NKAIN3: variants seen among roughly 807,000 people sequenced by gnomAD.
NKAIN3 encodes the protein sodium/potassium transporting ATPase interacting 3, also known as sodium/potassium-transporting ATPase subunit beta-1-interacting protein 3.
Under a neutral mutation model 30.2 loss-of-function variants are expected in NKAIN3, and 25 were observed. The ratio of observed to expected loss-of-function variants is 0.83; its 90% CI spans 0.60 to 1.16. The LOEUF is 1.16. Among genes scored for constraint, NKAIN3 ranks in the 50% most tolerant of loss-of-function variants. The pLI, the probability that NKAIN3 is intolerant of heterozygous loss-of-function variation, is 0.00. For synonymous variants in NKAIN3, 91 were observed against 89.6 expected (o/e 1.02, Z -0.09); for missense variants, 225 against 254.1 (o/e 0.89, Z 0.78).
At chr8:62,567,810 A>C (rs1809805516) in intron 1 of NKAIN3, among the ~76,000 whole-genome samples, 1 of 152,134 alleles carries the variant, frequency 6.6e-6, no homozygotes, top group African/African-American at 2.4e-5. Flanking sequence ...CTGGACTACA[A>C]AAGATAATAA....
chr8:62,688,918 T>C (rs1331082341), intron 3 of NKAIN3, among the ~76,000 whole-genome samples: 6 of 152,212 alleles, frequency 3.9e-5, no homozygotes, highest in African/African-American at 7.2e-5. Context: ...AATCCTTTTT[T>C]ATGTTAACTT....
rs187105103 is a variant in NKAIN3 at position 62,534,708 on chromosome 8, G to A, written c.55-44831G>A. Among the ~76,000 whole-genome samples, 21 of 152,236 alleles carry A rather than the reference G, an allele frequency of 1.4e-4. No individual in the cohort carries two copies. In the East Asian group the frequency reaches 4.1e-3, roughly 29 times the overall value. On this transcript the variant is annotated intron_variant, in intron 1 of 6. Coordinates refer to ENST00000623646, the MANE Select transcript of NKAIN3 (RefSeq NM_001304533.3). ...CTGGGTATCTGTACTAACAGAATTA[G>A]AAGAATTTGAATTTGTTGATGCTGC... is the stretch of plus-strand genomic sequence containing the variant.
intron 1 of NKAIN3, among the ~76,000 whole-genome samples, chr8:62,252,609 AT>A (rs34899376): frequency 0.58 from 88,275 of 151,888 alleles, 26,031 homozygotes; most frequent in Non-Finnish European, 0.64. Context: ...GATCCTCCTG[AT>A]TTTCCTAGAT....
chr8:62,452,418 G>A (rs1407223261), intron 1 of NKAIN3, among the ~76,000 whole-genome samples: 3 of 152,206 alleles, frequency 2.0e-5, no homozygotes, highest in Non-Finnish European at 4.4e-5. Flanking sequence ...GGAGGATGCA[G>A]TGAGCTGAGA....
intron 3 of NKAIN3, among the ~76,000 whole-genome samples, chr8:62,612,951 T>C (rs994616920): frequency 6.6e-6 from 1 of 152,102 alleles, no homozygotes; most frequent in African/African-American, 2.4e-5. Flanking sequence ...ATTATTTCTA[T>C]TTATATTTTA....
At chr8:62,558,816 T>C (rs1809483544) in intron 1 of NKAIN3, among the ~76,000 whole-genome samples, 2 of 152,082 alleles carry the variant, frequency 1.3e-5, no homozygotes, top group African/African-American at 2.4e-5. Context: ...TATGCATTAA[T>C]TTTATCCTTT....
intron 1 of NKAIN3, among the ~76,000 whole-genome samples, chr8:62,288,943 G>A (rs915698572): frequency 9.2e-5 from 14 of 152,168 alleles, no homozygotes; most frequent in African/African-American, 2.4e-4. Flanking sequence ...TCTAACTGGT[G>A]TGAGATGGTA....
intron 1 of NKAIN3, among the ~76,000 whole-genome samples, chr8:62,472,817 C>T (rs991383826): frequency 4.6e-5 from 7 of 152,170 alleles, no homozygotes; most frequent in Admixed American, 1.3e-4. Context: ...AAAAGCTTAG[C>T]GGTCTGACCA....
intron 3 of NKAIN3, among the ~76,000 whole-genome samples, chr8:62,712,520 A>G (rs2130496671): frequency 6.6e-6 from 1 of 151,922 alleles, no homozygotes; most frequent in South Asian, 2.1e-4. Context: ...GAAGTGGGGG[A>G]AAGCCAGCAA....
chr8:62,542,419 T>C (rs1352242414), intron 1 of NKAIN3, among the ~76,000 whole-genome samples: 2 of 152,210 alleles, frequency 1.3e-5, no homozygotes, highest in Non-Finnish European at 2.9e-5. Flanking sequence ...ATGTGAACTT[T>C]ATTTGCGTAA....
intron 1 of NKAIN3, among the ~76,000 whole-genome samples, chr8:62,569,485 A>T (rs945546320): frequency 2.0e-5 from 3 of 152,076 alleles, no homozygotes; most frequent in Non-Finnish European, 4.4e-5. Context: ...CATAAAAAAG[A>T]CTACTTCAGG....
At chr8:62,828,594 C>T (rs544075939) in intron 4 of NKAIN3, among the ~76,000 whole-genome samples, 28 of 148,520 alleles carry the variant, frequency 1.9e-4, no homozygotes, top group Non-Finnish European at 3.0e-4. Context: ...AAAATTTTGA[C>T]GCTTCTCCCA....
At chr8:62,678,276 C>T (rs372477138) in intron 3 of NKAIN3, among the ~76,000 whole-genome samples, 1 of 152,054 alleles carries the variant, frequency 6.6e-6, no homozygotes, top group Non-Finnish European at 1.5e-5. Context: ...TATCAGTTAC[C>T]TTCTCTAATA....
At chr8:62,708,343 T>C (rs139586004) in intron 3 of NKAIN3, among the ~76,000 whole-genome samples, 48 of 152,350 alleles carry the variant, frequency 3.2e-4, no homozygotes, top group African/African-American at 1.2e-3. Flanking sequence ...GCATTGATTC[T>C]ACCCTTCCAT....
intron 4 of NKAIN3, among the ~76,000 whole-genome samples, chr8:62,822,919 T>C (rs1298395594): frequency 6.6e-6 from 1 of 152,214 alleles, no homozygotes; most frequent in African/African-American, 2.4e-5. Context: ...GCTACAAACC[T>C]GTACAGCATG....
intron 1 of NKAIN3, among the ~76,000 whole-genome samples, chr8:62,415,181 A>C (rs1804400962): frequency 7.0e-6 from 1 of 142,188 alleles, no homozygotes; most frequent in Non-Finnish European, 1.5e-5. Context: ...TATATATTAT[A>C]TTACAATATA....
intron 1 of NKAIN3, among the ~76,000 whole-genome samples, chr8:62,550,789 G>A (rs1585935435): frequency 6.6e-6 from 1 of 152,178 alleles, no homozygotes; most frequent in African/African-American, 2.4e-5. Context: ...GGGAAGAAGA[G>A]TGAGTATGTA....
chr8:62,265,246 G>A (rs1260770805), intron 1 of NKAIN3, among the ~76,000 whole-genome samples: 3 of 152,076 alleles, frequency 2.0e-5, no homozygotes, highest in Non-Finnish European at 2.9e-5. Context: ...TCTCTTCATC[G>A]TAAAGCCATG....
intron 1 of NKAIN3, among the ~76,000 whole-genome samples, chr8:62,509,352 G>A (rs1194060803): frequency 6.6e-6 from 1 of 152,062 alleles, no homozygotes; most frequent in African/African-American, 2.4e-5. Context: ...CTTCTATCCA[G>A]GAAGAGTTCC....
Sources: gnomAD v4.1 joint callset for allele counts (sites outside exome capture counted in the v4.1 genomes callset) on GRCh38, gnomAD v4.1.1 for gene constraint, MANE v1.5 for transcripts, NCBI Gene and HGNC (gene_info 2026-07-23, HGNC 2026-07-21) for gene names.